The following ACTR10 variants were observed in gnomAD, a reference collection of about 807,000 sequenced individuals.
ACTR10 encodes the protein actin-related protein 10.
In ACTR10, 43 loss-of-function variants were observed where a neutral mutation model predicts 56.2. That is an observed-to-expected ratio of 0.77 (90% CI 0.60 to 0.99). ACTR10 has a LOEUF of 0.99. ACTR10 is among the 50% of genes least tolerant of loss of function. ACTR10 has a pLI of 0.00. For synonymous variants in ACTR10, 170 were observed against 176.3 expected, an observed-to-expected ratio of 0.96 and a Z score of 0.28; for missense variants, 466 against 507.8, an observed-to-expected ratio of 0.92 and a Z score of 0.79.
chr14:58,214,773 G>T (rs1219510198), intron 6 of ACTR10, among the ~76,000 whole-genome samples: 1 of 151,088 alleles, frequency 6.6e-6, no homozygotes, highest in Non-Finnish European at 1.5e-5. Context: ...TTACAGGCGT[G>T]AGCCACCGTG....
At chr14:58,215,891 T>C (rs1408474597) in intron 7 of ACTR10, among the ~76,000 whole-genome samples, 1 of 152,130 alleles carries the variant, frequency 6.6e-6, no homozygotes. Flanking sequence ...GGTAATATTT[T>C]CCTTGTCTCC....
Position 58,235,083 on chromosome 14 carries a change from G to A in ACTR10, c.*532G>A, listed in dbSNP as rs573341103. On this transcript the variant is annotated 3_prime_UTR_variant, in exon 13 of 13. Coordinates refer to ENST00000254286, the MANE Select transcript of ACTR10 (RefSeq NM_018477.3). ...TCCACCCTCCTCGGCCTCCCAAAGT[G>A]TTGGGATTACAGGCGTGAACCACTG... 1.3e-5 allele frequency: 2 copies of A among 152,620 alleles called. No homozygotes were observed. Among genetic ancestry groups the A allele is most frequent in the South Asian group, 2.1e-4 (1 of 4,842 alleles). The allele number at this position is 152,620 out of a possible 1,614,324, so 9.5% of individuals were successfully genotyped here.
intron 4 of ACTR10, among the ~76,000 whole-genome samples, chr14:58,210,069 T>C (rs540017143): frequency 6.6e-6 from 1 of 152,340 alleles, no homozygotes; most frequent in East Asian, 1.9e-4. Context: ...TCGTGTCAGC[T>C]GTTATCTGAA....
intron 1 of ACTR10, among the ~76,000 whole-genome samples, chr14:58,202,286 C>T (rs1888730574): frequency 6.6e-6 from 1 of 151,804 alleles, no homozygotes; most frequent in Non-Finnish European, 1.5e-5. Flanking sequence ...AAATTAACAA[C>T]TAGGAAAAAA....
chr14:58,223,466 T>C, intron 8 of ACTR10, 156 bp from the exon 9 acceptor site: 2 of 688,666 alleles, frequency 2.9e-6, no homozygotes, highest in Non-Finnish European at 4.8e-6. Flanking sequence ...AACAAATTAT[T>C]GTTAGCTAAC....
intron 2 of ACTR10, among the ~76,000 whole-genome samples, chr14:58,205,471 C>T (rs1190825): frequency 0.22 from 33,721 of 151,134 alleles, 4,137 homozygotes; most frequent in Middle Eastern, 0.32. Flanking sequence ...CCCGCCGCCA[C>T]GCCCAGCTAA....
At chr14:58,200,504 A>T (rs944818509) in intron 1 of ACTR10, among the ~76,000 whole-genome samples, 7 of 152,190 alleles carry the variant, frequency 4.6e-5, no homozygotes, top group African/African-American at 1.7e-4. Context: ...AGAGAGGCCC[A>T]GAAAGCTTCT....
chr14:58,202,086 AGT>A (rs1888722906), intron 1 of ACTR10, among the ~76,000 whole-genome samples: 1 of 152,170 alleles, frequency 6.6e-6, no homozygotes, highest in Non-Finnish European at 1.5e-5. Context: ...TTATGTATGA[AGT>A]GTGATTAAAA....
intron 2 of ACTR10, among the ~76,000 whole-genome samples, chr14:58,205,905 C>T (rs1888847983): frequency 6.6e-6 from 1 of 151,752 alleles, no homozygotes; most frequent in Non-Finnish European, 1.5e-5. Context: ...ACCTGTGGTC[C>T]CAGCTACTCG....
At chr14:58,203,189 C>T (rs1888768600) in intron 2 of ACTR10, among the ~76,000 whole-genome samples, 1 of 151,480 alleles carries the variant, frequency 6.6e-6, no homozygotes, top group Admixed American at 6.6e-5. Flanking sequence ...CTAATCCCAG[C>T]TCCTCAGGGG....
chr14:58,216,606 A>T (rs943191593), intron 7 of ACTR10, among the ~76,000 whole-genome samples: 1 of 152,230 alleles, frequency 6.6e-6, no homozygotes, highest in Non-Finnish European at 1.5e-5. Context: ...TTAAAGCTAC[A>T]GTAAATTTCT....
Position 58,213,652 on chromosome 14 carries a change from C to G in ACTR10, c.472C>G (p.Leu158Val), listed in dbSNP as rs1448462393. Residue 158 changes from leucine to valine, a missense_variant, in exon 6 of 13, where the codon CTA becomes GTA. Physicochemically the swap from Leu to Val is conservative, Grantham distance 32. Coordinates refer to ENST00000254286, the MANE Select transcript of ACTR10 (RefSeq NM_018477.3). ...ATAGATATATGAAGGAATCCCAGTT[C>G]TAAATTGTTGGGGAGCACTACCCCT... ...VLPIYEGIPV[L>V]NCWGALPLGG... 6.2e-7 allele frequency: 1 copy of G among 1,612,034 alleles called. No individual in the cohort carries two copies. The highest frequency in any genetic ancestry group is 1.7e-5 in the Admixed American group (1 of 59,894).
Position 58,230,402 on chromosome 14 carries a change from T to C in ACTR10, c.792T>C (p.Asp264=). ...KILHILGSIR[D]SVVEILFEQD... Reference sequence around the variant, plus strand: ...TCTCTTTTTCAAATCCCATTAGAGATTCAGTTGTGGAAATTCTTTTTGAAC... The same window carrying C: ...TCTCTTTTTCAAATCCCATTAGAGACTCAGTTGTGGAAATTCTTTTTGAAC... The change falls in exon 11 of 13, where the codon GAT becomes GAC. Residue 264 remains aspartate (D), a synonymous_variant. Transcript: ENST00000254286. 1 of 1,566,312 alleles carries C rather than the reference T, an allele frequency of 6.4e-7. No individual in the cohort carries two copies. The highest frequency in any genetic ancestry group is 8.6e-7 in the Non-Finnish European group (1 of 1,158,278).
In ACTR10 at chr14:58,223,834, T is replaced by A. The variant is rs1160052591; in HGVS notation, c.766T>A (p.Leu256Ile). 1 of 1,612,776 alleles carries A rather than the reference T, an allele frequency of 6.2e-7. No homozygotes were observed. The highest frequency in any genetic ancestry group is 1.3e-5 in the African/African-American group (1 of 74,904). Residue 256 changes from leucine (L) to isoleucine (I), a missense_variant, in exon 10 of 13, where the codon TTA becomes ATA. Transcript: ENST00000254286. ...CTATCCATTAGATGGAGAGAAGATT[T>A]TACATATCCTTGGATCAATCAGGTT... The part of the protein sequence containing the change: ...VDYPLDGEKI[L>I]HILGSIRDSV...
In ACTR10 at chr14:58,232,256, C is replaced by T. The variant is rs148315460; in HGVS notation, c.1061C>T (p.Ala354Val). The change falls in exon 12 of 13, where the codon GCC (alanine) becomes GTC (valine). Residue 354 changes from alanine to valine, a missense_variant. By Grantham distance (64) the Ala-to-Val change is moderately conservative. Coordinates refer to ENST00000254286, the MANE Select transcript of ACTR10 (RefSeq NM_018477.3). ...HTPPAKANCV[A>V]WLGGAIFGAL... ...CCACCTGCAAAAGCTAATTGTGTGG[C>T]CTGGTTGGGAGGTAAGAATTTCACT... 2.5e-6 allele frequency: 4 copies of T among 1,612,682 alleles called. No homozygotes were observed. The African/African-American group carries it at 4.0e-5, about 16-fold the overall frequency.
intron 2 of ACTR10, among the ~76,000 whole-genome samples, chr14:58,204,492 A>G (rs1888807469): frequency 6.6e-6 from 1 of 152,198 alleles, no homozygotes; most frequent in Admixed American, 6.5e-5. Context: ...TTGAGGCTGC[A>G]GTGAGCCAAG....
chr14:58,225,570 A>C (rs965538364), intron 10 of ACTR10, among the ~76,000 whole-genome samples: 2 of 152,124 alleles, frequency 1.3e-5, no homozygotes, highest in Non-Finnish European at 2.9e-5. Flanking sequence ...AGCTATTTTT[A>C]TATCATTTTA....
intron 8 of ACTR10, 113 bp from the exon 9 acceptor site, chr14:58,223,509 G>A: frequency 1.2e-6 from 1 of 841,854 alleles, no homozygotes; most frequent in Admixed American, 2.8e-5. Flanking sequence ...AAAATCCAAA[G>A]GAATAGATGA....
intron 2 of ACTR10, among the ~76,000 whole-genome samples, chr14:58,203,646 C>T (rs1888784550): frequency 6.6e-6 from 1 of 151,996 alleles, no homozygotes; most frequent in Non-Finnish European, 1.5e-5. Flanking sequence ...TTTTATAAGT[C>T]TTATAACCAC....
Sources: allele counts gnomAD v4.1 joint callset (sites outside exome capture counted in the v4.1 genomes callset), GRCh38; gene constraint gnomAD v4.1.1; transcripts MANE v1.5; gene names NCBI Gene and HGNC (gene_info 2026-07-23, HGNC 2026-07-21).